Variants in CSMD1 observed in about 807,000 individuals in gnomAD.
The protein encoded by CSMD1 is CUB and sushi domain-containing protein 1.
In CSMD1, 213 loss-of-function variants were observed where a neutral mutation model predicts 417.5. The observed-to-expected ratio is 0.51, with a 90% CI of 0.46 to 0.57. The LOEUF is 0.57. Ranked by LOEUF, CSMD1 falls within the 20% of genes least tolerant of loss-of-function variation. CSMD1 has a pLI of 0.00. For missense variants in CSMD1, 6,923 were observed against 4,529.7 expected (o/e 1.53, Z -15.17); for synonymous variants, 2,862 against 1,736.8 (o/e 1.65, Z -16.11).
At chr8:3,169,550 G>A (rs1563106030) in intron 37 of CSMD1, among the ~76,000 whole-genome samples, 2 of 152,108 alleles carry the variant, frequency 1.3e-5, no homozygotes, top group Admixed American at 6.5e-5. Flanking sequence ...TTTAATGAGT[G>A]CAGAGTTTTG....
chr8:3,221,213 G>C (rs554970328), intron 28 of CSMD1, among the ~76,000 whole-genome samples: 33 of 152,222 alleles, frequency 2.2e-4, no homozygotes, highest in African/African-American at 6.5e-4. Context: ...ATGCCAACCT[G>C]TTTTGGGTCA....
At chr8:3,091,687 C>A in intron 47 of CSMD1, 25 bp from the exon 48 acceptor site, 1 of 1,598,168 alleles carries the variant, frequency 6.3e-7, no homozygotes, top group Non-Finnish European at 8.5e-7. Context: ...AAAACAAAAA[C>A]ATTCAGAGAT....
At chr8:4,236,525 G>C (rs1447163048) in intron 3 of CSMD1, among the ~76,000 whole-genome samples, 1 of 152,138 alleles carries the variant, frequency 6.6e-6, no homozygotes, top group Non-Finnish European at 1.5e-5. Context: ...AAAAAAGTTA[G>C]CGAGATTTCA....
intron 3 of CSMD1, among the ~76,000 whole-genome samples, chr8:4,290,185 G>T (rs1054527130): frequency 1.3e-5 from 2 of 152,130 alleles, no homozygotes; most frequent in African/African-American, 4.8e-5. Context: ...GTGGACTTTT[G>T]AAAGAATCAG....
At chr8:3,834,034 C>T (rs1401647794) in intron 5 of CSMD1, among the ~76,000 whole-genome samples, 6 of 152,110 alleles carry the variant, frequency 3.9e-5, no homozygotes, top group Non-Finnish European at 7.4e-5. Context: ...ACTCTTGACA[C>T]GGTCACTAAT....
chr8:2,998,183 G>T lies in CSMD1; in HGVS notation c.8205C>A (p.Pro2735=). 1.2e-6 allele frequency: 2 copies of T among 1,613,732 alleles called. No individual in the cohort carries two copies. Among genetic ancestry groups the T allele is most frequent in the Non-Finnish European group, 1.7e-6 (2 of 1,179,692 alleles). The change falls in exon 54 of 70, where the codon CCC becomes CCA. Residue 2735 remains proline (P), a splice_region_variant and synonymous_variant. Transcript: ENST00000635120. ...KWSGQTPVCV[P]ITCGHPGNPA... ...GGTTTCCAGGGTGACCACATGTGAT[G>T]GCTGTAGAGAGACAGGTCAACGTCA... is the stretch of plus-strand genomic sequence containing the variant.
chr8:3,713,461 C>G (rs1365455179), intron 6 of CSMD1, among the ~76,000 whole-genome samples: 1 of 152,164 alleles, frequency 6.6e-6, no homozygotes, highest in Non-Finnish European at 1.5e-5. Flanking sequence ...TCTGTAGCCC[C>G]TGGGAAAGCT....
At chr8:2,970,818 G>A (rs776675788) in intron 57 of CSMD1, among the ~76,000 whole-genome samples, 1 of 152,120 alleles carries the variant, frequency 6.6e-6, no homozygotes, top group Non-Finnish European at 1.5e-5. Flanking sequence ...TGACAGAAAC[G>A]TTGAAATTTT....
At chr8:4,024,157 G>C (rs938586047) in intron 4 of CSMD1, among the ~76,000 whole-genome samples, 5 of 152,104 alleles carry the variant, frequency 3.3e-5, no homozygotes, top group South Asian at 2.1e-4. Flanking sequence ...ACAGCATAAA[G>C]AATCAGTTGT....
intron 5 of CSMD1, among the ~76,000 whole-genome samples, chr8:3,775,674 C>G (rs768690167): frequency 6.6e-6 from 1 of 152,192 alleles, no homozygotes; most frequent in Non-Finnish European, 1.5e-5. Flanking sequence ...GAGAGCCCAA[C>G]ACAGTCACTG....
chr8:4,471,468 A>G (rs2130053513), intron 2 of CSMD1, among the ~76,000 whole-genome samples: 1 of 152,212 alleles, frequency 6.6e-6, no homozygotes, highest in Non-Finnish European at 1.5e-5. Context: ...AATCATTCAC[A>G]AGATGCATGT....
intron 10 of CSMD1, among the ~76,000 whole-genome samples, chr8:3,574,142 G>C (rs999431850): frequency 6.6e-6 from 1 of 152,160 alleles, no homozygotes; most frequent in Admixed American, 6.5e-5. Flanking sequence ...AAGTATTTAA[G>C]AAAGAGGAAA....
intron 1 of CSMD1, among the ~76,000 whole-genome samples, chr8:4,911,866 CT>C (rs1469719125): frequency 2.0e-5 from 3 of 152,036 alleles, no homozygotes; most frequent in African/African-American, 7.2e-5. Flanking sequence ...GACAATTCCT[CT>C]CTGAGGCTTC....
intron 3 of CSMD1, among the ~76,000 whole-genome samples, chr8:4,082,120 C>G (rs1011091590): frequency 6.6e-6 from 1 of 151,998 alleles, no homozygotes; most frequent in Non-Finnish European, 1.5e-5. Context: ...TATGTATTAA[C>G]TACATTAGGA....
At chr8:4,883,532 C>G (rs903891020) in intron 1 of CSMD1, among the ~76,000 whole-genome samples, 1 of 152,046 alleles carries the variant, frequency 6.6e-6, no homozygotes, top group African/African-American at 2.4e-5. Context: ...CCATATTTTC[C>G]AAATCTAGAC....
Position 4,926,248 on chromosome 8 carries a change from T to C in CSMD1, c.85+68084A>G, listed in dbSNP as rs189875142. Among the ~76,000 whole-genome samples, 504 of 152,300 alleles carry C rather than the reference T, an allele frequency of 3.3e-3. 2 individuals are homozygous for C. Among genetic ancestry groups the C allele is most frequent in the African/African-American group, 0.011 (464 of 41,582 alleles). On this transcript the variant is annotated intron_variant, in intron 1 of 69. Transcript: ENST00000635120. ...CATTTATTTTTTCTTGTGGACACAA[T>C]GAATAAATGGATGTATCACAGAGTT...
chr8:2,947,860 T>C (rs941580411), intron 68 of CSMD1, among the ~76,000 whole-genome samples: 4 of 152,088 alleles, frequency 2.6e-5, no homozygotes, highest in African/African-American at 9.7e-5. Context: ...GCCAACATTA[T>C]AATGTTCTTC....
chr8:3,984,239 G>C (rs962330514), intron 5 of CSMD1, among the ~76,000 whole-genome samples: 1 of 141,870 alleles, frequency 7.0e-6, no homozygotes, highest in Non-Finnish European at 1.5e-5. Context: ...ATCCTGCAAA[G>C]CGAGTGGCAA....
intron 2 of CSMD1, among the ~76,000 whole-genome samples, chr8:4,467,372 A>C (rs1023818962): frequency 2.0e-5 from 3 of 152,050 alleles, no homozygotes; most frequent in Admixed American, 6.6e-5. Context: ...ATCAATTCAA[A>C]TGTCCTCATT....
Sources: gnomAD v4.1 joint callset for allele counts (sites outside exome capture counted in the v4.1 genomes callset) on GRCh38, gnomAD v4.1.1 for gene constraint, MANE v1.5 for transcripts, NCBI Gene and HGNC (gene_info 2026-07-23, HGNC 2026-07-21) for gene names.